The following UNC5B variants were observed in gnomAD, a reference collection of about 807,000 sequenced individuals.
The protein encoded by UNC5B is unc-5 netrin receptor B, also known as netrin receptor UNC5B.
Under a neutral mutation model 103.7 loss-of-function variants are expected in UNC5B, and 56 were observed. The ratio of observed to expected loss-of-function variants is 0.54; its 90% CI spans 0.44 to 0.67. UNC5B has a LOEUF of 0.67. Ranked by LOEUF, UNC5B falls within the 30% of genes least tolerant of loss-of-function variation. UNC5B has a pLI of 0.00. For synonymous variants in UNC5B, 577 were observed against 542.0 expected (o/e 1.06, Z -0.90); for missense variants, 1,194 against 1,284.5 (o/e 0.93, Z 1.08).
At chr10:71,214,865 T>G (rs920507021) in intron 1 of UNC5B, among the ~76,000 whole-genome samples, 3 of 152,180 alleles carry the variant, frequency 2.0e-5, no homozygotes, top group African/African-American at 7.2e-5. Flanking sequence ...TTTGATGGAT[T>G]TGGGCACGAA....
At chr10:71,215,401 G>C (rs1245176481) in intron 1 of UNC5B, among the ~76,000 whole-genome samples, 1 of 152,154 alleles carries the variant, frequency 6.6e-6, no homozygotes, top group African/African-American at 2.4e-5. Flanking sequence ...TCTGCAAAGA[G>C]GGATCTTTAC....
At chr10:71,293,166 C>G (rs1845310209) in intron 11 of UNC5B, among the ~76,000 whole-genome samples, 1 of 152,232 alleles carries the variant, frequency 6.6e-6, no homozygotes, top group South Asian at 2.1e-4. Context: ...AAAATATAAG[C>G]CAGGAATTTT....
chr10:71,224,226 T>TAGACAC (rs1344818209), intron 1 of UNC5B, among the ~76,000 whole-genome samples: 1 of 149,458 alleles, frequency 6.7e-6, no homozygotes, highest in Non-Finnish European at 1.5e-5. Flanking sequence ...CTTCTGTATG[T>TAGACAC]AGACACAGAC....
chr10:71,290,938 G>A lies in UNC5B; in HGVS notation c.1123G>A (p.Ala375Thr), dbSNP rs1564512200. The A allele has an allele frequency of 6.2e-7, 1 of 1,613,408 alleles. No homozygotes were observed. Among genetic ancestry groups the A allele is most frequent in the Non-Finnish European group, 8.5e-7 (1 of 1,179,964 alleles). The change falls in exon 9 of 17, where the codon GCG becomes ACG. Residue 375 changes from alanine (A) to threonine (T), a missense_variant. By Grantham distance (58) the Ala-to-Thr change is moderately conservative. Transcript: ENST00000335350. ...SHLLEASGDA[A>T]LYAGLVVAIF... ...AGTGCTGGAGGCCTCAGGGGATGCG[G>A]CGCTGTATGCGGGGCTCGTGGTGGC... is the stretch of plus-strand genomic sequence containing the variant.
intron 1 of UNC5B, among the ~76,000 whole-genome samples, chr10:71,245,330 A>G (rs948191817): frequency 2.6e-5 from 4 of 152,190 alleles, no homozygotes; most frequent in African/African-American, 9.7e-5. Context: ...ACAAGATCCC[A>G]AGGTATTCGC....
chr10:71,215,919 C>T (rs753165574), intron 1 of UNC5B, among the ~76,000 whole-genome samples: 3 of 152,026 alleles, frequency 2.0e-5, no homozygotes, highest in Non-Finnish European at 2.9e-5. Flanking sequence ...AGCAAACACC[C>T]ATCTCACTTA....
At chr10:71,274,015 C>A (rs1489513730) in intron 1 of UNC5B, among the ~76,000 whole-genome samples, 1 of 152,326 alleles carries the variant, frequency 6.6e-6, no homozygotes, top group Admixed American at 6.5e-5. Context: ...CTGCAACCTC[C>A]AGACTGGGAA....
chr10:71,228,740 G>A (rs1843621727), intron 1 of UNC5B, among the ~76,000 whole-genome samples: 1 of 152,230 alleles, frequency 6.6e-6, no homozygotes, highest in South Asian at 2.1e-4. Context: ...GCACCCGAGG[G>A]GCACCCACGG....
chr10:71,291,467 G>C lies in UNC5B; in HGVS notation c.1330G>C (p.Asp444His). ...PQLLHPSVPP[D>H]LTASAGIYRG... ...GCTCCTACACCCCTCTGTGCCTCCT[G>C]ACCTGACAGCCAGCGCCGGCATCTA... The change falls in exon 10 of 17, where the codon GAC becomes CAC. Residue 444 changes from aspartate (D) to histidine (H), a missense_variant. Coordinates refer to ENST00000335350, the MANE Select transcript of UNC5B (RefSeq NM_170744.5). The C allele has an allele frequency of 6.2e-7, 1 of 1,613,492 alleles. No homozygotes were observed. The highest frequency in any genetic ancestry group is 8.5e-7 in the Non-Finnish European group (1 of 1,179,676).
chr10:71,295,786 C>T (rs754766434), intron 13 of UNC5B, 25 bp from the exon 14 acceptor site: 4 of 1,606,686 alleles, frequency 2.5e-6, no homozygotes. Flanking sequence ...GATGGGTTCC[C>T]CTTCCCCATG....
At chr10:71,243,404 C>T (rs1407822332) in intron 1 of UNC5B, among the ~76,000 whole-genome samples, 1 of 152,140 alleles carries the variant, frequency 6.6e-6, no homozygotes, top group Non-Finnish European at 1.5e-5. Flanking sequence ...TCTGCCTGCA[C>T]TGCCCAGTCT....
Position 71,286,720 on chromosome 10 carries a change from A to G in UNC5B, c.584A>G (p.Asp195Gly). Reference sequence around the variant, plus strand: ...TGGCTCAAGAATGAGGATGTCATCGACCCCACCCAGGACACCAACTTCCTG... The same window carrying G: ...TGGCTCAAGAATGAGGATGTCATCGGCCCCACCCAGGACACCAACTTCCTG... Reference protein sequence around the residue: ...VEWLKNEDVIDPTQDTNFLLT... With the variant: ...VEWLKNEDVIGPTQDTNFLLT... Residue 195 changes from aspartate to glycine, a missense_variant, in exon 5 of 17, where the codon GAC (aspartate) becomes GGC (glycine). Transcript: ENST00000335350. 1 of 1,613,994 alleles carries G rather than the reference A, an allele frequency of 6.2e-7. No individual in the cohort carries two copies. Among genetic ancestry groups the G allele is most frequent in the South Asian group, 1.1e-5 (1 of 91,062 alleles).
chr10:71,256,684 G>A (rs1184736892), intron 1 of UNC5B, among the ~76,000 whole-genome samples: 2 of 152,224 alleles, frequency 1.3e-5, no homozygotes. Context: ...CCAAGAGGTG[G>A]GCCAGGAGCC....
At chr10:71,251,948 G>A (rs1186261964) in intron 1 of UNC5B, among the ~76,000 whole-genome samples, 1 of 152,142 alleles carries the variant, frequency 6.6e-6, no homozygotes, top group Non-Finnish European at 1.5e-5. Context: ...AAGTGTACCA[G>A]GTGTGACATC....
At chr10:71,257,896 C>T (rs972315340) in intron 1 of UNC5B, among the ~76,000 whole-genome samples, 1 of 152,232 alleles carries the variant, frequency 6.6e-6, no homozygotes, top group Admixed American at 6.5e-5. Context: ...TAGGCACCTG[C>T]CTGTGCTAAA....
intron 1 of UNC5B, among the ~76,000 whole-genome samples, chr10:71,260,461 C>G (rs142632783): frequency 1.4e-3 from 212 of 152,326 alleles, no homozygotes; most frequent in African/African-American, 4.7e-3. Context: ...AAATGCCCTC[C>G]GGTCCAGGCC....
intron 8 of UNC5B, among the ~76,000 whole-genome samples, chr10:71,290,410 C>T (rs1463902631): frequency 2.0e-5 from 3 of 152,208 alleles, no homozygotes; most frequent in Non-Finnish European, 4.4e-5. Context: ...CTTCAGCTCC[C>T]CGTCCCTCCA....
intron 1 of UNC5B, among the ~76,000 whole-genome samples, chr10:71,253,105 A>G (rs141848638): frequency 6.6e-6 from 1 of 152,168 alleles, no homozygotes; most frequent in East Asian, 1.9e-4. Flanking sequence ...TCCTCCCCTC[A>G]TTTCCACACT....
chr10:71,278,106 C>A (rs538627610), intron 1 of UNC5B, among the ~76,000 whole-genome samples: 1 of 152,346 alleles, frequency 6.6e-6, no homozygotes, highest in South Asian at 2.1e-4. Flanking sequence ...CCCTGAGCCT[C>A]CCATTTACCC....
Sources: gnomAD v4.1 joint callset for allele counts (sites outside exome capture counted in the v4.1 genomes callset) on GRCh38, gnomAD v4.1.1 for gene constraint, MANE v1.5 for transcripts, NCBI Gene and HGNC (gene_info 2026-07-23, HGNC 2026-07-21) for gene names.